Variants in WWC1 observed in about 807,000 individuals in gnomAD.
WWC1 encodes the protein protein KIBRA.
A neutral mutation model predicts 138.4 loss-of-function variants in WWC1; 55 were observed. The observed-to-expected ratio is 0.40, with a 90% CI of 0.32 to 0.50. WWC1 has a LOEUF of 0.50. Among genes scored for constraint, WWC1 ranks in the 20% least tolerant of loss-of-function variants. WWC1 has a pLI of 0.72. For missense variants in WWC1, 1,226 were observed against 1,420.4 expected (o/e 0.86, Z 2.20); for synonymous variants, 524 against 564.9 (o/e 0.93, Z 1.03).
chr5:168,381,087 G>A (rs556536046), intron 2 of WWC1, among the ~76,000 whole-genome samples: 1 of 152,268 alleles, frequency 6.6e-6, no homozygotes, highest in African/African-American at 2.4e-5. Context: ...GGTGATTCCA[G>A]TGTGCAACCA....
At chr5:168,317,487 TG>T (rs1328981087) in intron 1 of WWC1, among the ~76,000 whole-genome samples, 3 of 152,030 alleles carry the variant, frequency 2.0e-5, no homozygotes, top group African/African-American at 7.2e-5. Context: ...AGGATGGTAG[TG>T]GGGTGCAGAG....
At chr5:168,448,739 C>T (rs1380094492) in intron 17 of WWC1, among the ~76,000 whole-genome samples, 2 of 151,604 alleles carry the variant, frequency 1.3e-5, no homozygotes, top group African/African-American at 2.4e-5. Context: ...ATGCCTCATC[C>T]TCCTGGGTAG....
intron 1 of WWC1, among the ~76,000 whole-genome samples, chr5:168,329,896 G>C (rs1420479425): frequency 6.6e-6 from 1 of 152,006 alleles, no homozygotes; most frequent in African/African-American, 2.4e-5. Context: ...GATCACCTGA[G>C]GTCAGGAGTT....
chr5:168,369,284 C>G (rs142514696), intron 1 of WWC1, among the ~76,000 whole-genome samples: 1 of 152,206 alleles, frequency 6.6e-6, no homozygotes, highest in African/African-American at 2.4e-5. Flanking sequence ...AGAGTTAGTA[C>G]TGTCCTCATT....
chr5:168,430,257 C>T (rs769743304), intron 14 of WWC1, 34 bp downstream of exon 14: 1 of 1,584,756 alleles, frequency 6.3e-7, no homozygotes, highest in Non-Finnish European at 8.6e-7. Context: ...TATTTCATAC[C>T]CTAACCCTCT....
At chr5:168,410,315 G>C (rs980590896) in intron 8 of WWC1, 2 of 321,008 alleles carry the variant, frequency 6.2e-6, no homozygotes, top group Admixed American at 8.3e-5. Flanking sequence ...TAAGCATTTT[G>C]GTTTGAAGGA....
At chr5:168,467,815 T>A in intron 21 of WWC1, 25 bp from the exon 22 acceptor site, 2 of 1,614,058 alleles carry the variant, frequency 1.2e-6, no homozygotes, top group Non-Finnish European at 1.7e-6. Flanking sequence ...CTCCACTGAC[T>A]CAGGGCCTTG....
At chr5:168,303,320 G>A (rs568983380) in intron 1 of WWC1, among the ~76,000 whole-genome samples, 1 of 152,280 alleles carries the variant, frequency 6.6e-6, no homozygotes, top group East Asian at 1.9e-4. Context: ...CAGGAGGCCA[G>A]GTGTGGCAGC....
intron 1 of WWC1, among the ~76,000 whole-genome samples, chr5:168,346,095 G>A (rs1378390157): frequency 6.6e-6 from 1 of 152,070 alleles, no homozygotes; most frequent in Non-Finnish European, 1.5e-5. Flanking sequence ...CCCCAAGAGT[G>A]TTTGATTGGG....
chr5:168,338,214 G>A (rs1773667222), intron 1 of WWC1, among the ~76,000 whole-genome samples: 1 of 151,444 alleles, frequency 6.6e-6, no homozygotes, highest in Non-Finnish European at 1.5e-5. Flanking sequence ...AGGAACCTGA[G>A]GCAGGAGAAT....
At chr5:168,334,054 GAAAAAA>G (rs70976475) in intron 1 of WWC1, among the ~76,000 whole-genome samples, 8 of 44,510 alleles carry the variant, frequency 1.8e-4, no homozygotes, top group East Asian at 9.0e-4. Context: ...CATCCCTACT[GAAAAAA>G]AAAAAAAAAA....
intron 1 of WWC1, among the ~76,000 whole-genome samples, chr5:168,345,736 A>T (rs1774411548): frequency 6.6e-6 from 1 of 152,154 alleles, no homozygotes; most frequent in African/African-American, 2.4e-5. Flanking sequence ...ATAAGTACTC[A>T]ATTCATGGGT....
chr5:168,442,917 G>A (rs1754914041), intron 16 of WWC1, among the ~76,000 whole-genome samples: 1 of 151,642 alleles, frequency 6.6e-6, no homozygotes, highest in Non-Finnish European at 1.5e-5. Context: ...TTTCATTTTA[G>A]CGCAGTACGC....
chr5:168,353,280 C>T (rs1489888914), intron 1 of WWC1, among the ~76,000 whole-genome samples: 1 of 152,234 alleles, frequency 6.6e-6, no homozygotes, highest in Non-Finnish European at 1.5e-5. Context: ...CCTAGGCTTT[C>T]CTGGAGGTAC....
At chr5:168,372,364 G>A (rs1264173407) in intron 2 of WWC1, among the ~76,000 whole-genome samples, 1 of 152,160 alleles carries the variant, frequency 6.6e-6, no homozygotes, top group Non-Finnish European at 1.5e-5. Context: ...CATGTGTACA[G>A]AGGAAAGGGA....
At chr5:168,380,243 C>T (rs1361692670) in intron 2 of WWC1, among the ~76,000 whole-genome samples, 1 of 152,012 alleles carries the variant, frequency 6.6e-6, no homozygotes, top group Non-Finnish European at 1.5e-5. Context: ...CGGGAGTTCA[C>T]GACCAGCCAT....
chr5:168,426,660 A>G (rs1265664486), intron 11 of WWC1, among the ~76,000 whole-genome samples: 1 of 152,234 alleles, frequency 6.6e-6, no homozygotes, highest in Non-Finnish European at 1.5e-5. Flanking sequence ...CCGCGGGCTC[A>G]GCAGGCATGG....
intron 6 of WWC1, 130 bp from the exon 7 acceptor site, chr5:168,408,377 A>C: frequency 9.5e-7 from 1 of 1,053,704 alleles, no homozygotes; most frequent in South Asian, 1.6e-5. Flanking sequence ...TCACAGGATC[A>C]GTAGGATATC....
At chr5:168,426,273 C>A (rs1018159178) in intron 11 of WWC1, among the ~76,000 whole-genome samples, 4 of 152,120 alleles carry the variant, frequency 2.6e-5, no homozygotes, top group African/African-American at 9.7e-5. Flanking sequence ...GAAAATTGTT[C>A]CCTGGAGAGG....
Sources: gnomAD v4.1 joint callset for allele counts (sites outside exome capture counted in the v4.1 genomes callset) on GRCh38, gnomAD v4.1.1 for gene constraint, MANE v1.5 for transcripts, NCBI Gene and HGNC (gene_info 2026-07-23, HGNC 2026-07-21) for gene names.